OPN1SW: variants seen among roughly 807,000 people sequenced by gnomAD.
OPN1SW encodes the protein short-wave-sensitive opsin 1.
In OPN1SW, 25 loss-of-function variants were observed where a neutral mutation model predicts 31.9. That is an observed-to-expected ratio of 0.78 (90% confidence interval 0.57 to 1.09). OPN1SW has a LOEUF of 1.09. OPN1SW is among the 50% of genes least tolerant of loss of function. The pLI, the probability that OPN1SW is intolerant of heterozygous loss-of-function variation, is 0.00. For missense variants in OPN1SW, 424 were observed against 448.0 expected (o/e 0.95, Z 0.48); for synonymous variants, 190 against 171.9 (o/e 1.11, Z -0.82).
intron 4 of OPN1SW, 73 bp downstream of exon 4, chr7:128,773,576 C>T: frequency 6.2e-7 from 1 of 1,603,492 alleles, no homozygotes; most frequent in South Asian, 1.1e-5. Context: ...CCAGGGTGCT[C>T]TGAGTTAAAA....
chr7:128,772,870 T>C (rs1240540694), intron 4 of OPN1SW, among the ~76,000 whole-genome samples: 1 of 152,174 alleles, frequency 6.6e-6, no homozygotes, highest in African/African-American at 2.4e-5. Flanking sequence ...ACTGGTCAAG[T>C]CTGAGACCTC....
At position 128,775,704 on chromosome 7, in the gene OPN1SW, G is replaced by C. The variant is rs546953399; in HGVS notation, c.78C>G (p.Ala26=). 2 of 1,614,100 alleles carry C rather than the reference G, an allele frequency of 1.2e-6. No homozygotes were observed. The highest frequency in any genetic ancestry group is 3.3e-5 in the Admixed American group (2 of 60,026). ...GPWDGPQYHI[A]PVWAFYLQAA... ...CCTGGAGGTAGAAGGCCCAGACAGGGGCAATGTGGTACTGAGGCCCATCCC... is the reference window on the plus strand; with the variant it reads ...CCTGGAGGTAGAAGGCCCAGACAGGCGCAATGTGGTACTGAGGCCCATCCC... The change falls in exon 1 of 5, where the codon GCC becomes GCG. Residue 26 remains alanine (A), a synonymous_variant. Transcript: ENST00000249389.
intron 3 of OPN1SW, 150 bp downstream of exon 3, chr7:128,774,348 T>C (rs1801706869): frequency 2.8e-6 from 3 of 1,062,322 alleles, no homozygotes; most frequent in African/African-American, 1.6e-5. Flanking sequence ...CCTTTGGATC[T>C]CCATCATTCT....
intron 2 of OPN1SW, 62 bp from the exon 3 acceptor site, chr7:128,774,725 G>T: frequency 6.9e-6 from 11 of 1,603,994 alleles, no homozygotes; most frequent in Non-Finnish European, 9.4e-6. Flanking sequence ...GAGCTGAGAT[G>T]CCTGGATTGT....
chr7:128,773,113 GA>G (rs2128885524), intron 4 of OPN1SW, among the ~76,000 whole-genome samples: 1 of 152,310 alleles, frequency 6.6e-6, no homozygotes, highest in South Asian at 2.1e-4. Flanking sequence ...GATGGGATAG[GA>G]AATCCCCCAG....
intron 2 of OPN1SW, 94 bp from the exon 3 acceptor site, chr7:128,774,757 G>A: frequency 6.4e-7 from 1 of 1,550,638 alleles, no homozygotes; most frequent in South Asian, 1.1e-5. Flanking sequence ...AGAACCCACG[G>A]AATGCCCTAA....
At position 128,773,723 on chromosome 7, in the gene OPN1SW, C is replaced by T. The variant is rs79158266; in HGVS notation, c.844G>A (p.Val282Ile). ...TTGGAGAAGAATGAAGGAATGGTGA[C>T]AAGCCGTAAGTCCAGCCCATGGTTA... ...NRNHGLDLRL[V>I]TIPSFFSKSA... Residue 282 changes from valine (V) to isoleucine (I), a missense_variant, in exon 4 of 5, where the codon GTC (valine) becomes ATC (isoleucine). Coordinates refer to ENST00000249389, the MANE Select transcript of OPN1SW (RefSeq NM_001385125.1). The T allele has an allele frequency of 3.7e-6, 6 of 1,603,818 alleles. No homozygotes were observed. The highest frequency in any genetic ancestry group is 5.1e-6 in the Non-Finnish European group (6 of 1,176,584).
At chr7:128,773,987 G>A in intron 3 of OPN1SW, 99 bp from the exon 4 acceptor site, 1 of 1,392,458 alleles carries the variant, frequency 7.2e-7, no homozygotes, top group Non-Finnish European at 9.4e-7. Flanking sequence ...TTTTCTTTTT[G>A]AGACCGAGTC....
chr7:128,772,677 A>AT lies in OPN1SW; in HGVS notation c.919-19dup, dbSNP rs1562887086. 1.2e-6 allele frequency: 2 copies of AT among 1,614,022 alleles called. No individual in the cohort carries two copies. The highest frequency in any genetic ancestry group is 2.2e-5 in the South Asian group (2 of 91,082). ...GCTTGGAACTGGAGAGAAAGGTACA[A>AT]TTGGAGATAACCTTGGCAGATGAGG... On this transcript the variant is annotated intron_variant, in intron 4 of 4. Transcript: ENST00000249389.
At chr7:128,775,196 C>T (rs1291332459) in intron 1 of OPN1SW, 42 bp from the exon 2 acceptor site, 2 of 1,597,640 alleles carry the variant, frequency 1.3e-6, no homozygotes, top group South Asian at 2.2e-5. Context: ...CAGAGCCCCA[C>T]CCAGCCTGGC....
At chr7:128,774,739 C>G (rs1004885246) in intron 2 of OPN1SW, 76 bp from the exon 3 acceptor site, 2 of 1,593,516 alleles carry the variant, frequency 1.3e-6, no homozygotes, top group African/African-American at 1.3e-5. Flanking sequence ...GGATTGTGTT[C>G]TCCACTTAGA....
At chr7:128,773,350 T>C (rs1264842990) in intron 4 of OPN1SW, among the ~76,000 whole-genome samples, 1 of 152,230 alleles carries the variant, frequency 6.6e-6, no homozygotes, top group Admixed American at 6.5e-5. Flanking sequence ...TAGGTAAACG[T>C]GTGCCATGGT....
In OPN1SW at chr7:128,773,666, A is replaced by G. The variant is rs1338042268; in HGVS notation, c.901T>C (p.Cys301Arg). ...SACIYNPIIY[C>R]FMNKQFQACI... ...AGCTTTACCTGCTTATTCATGAAGCAGTAGATGATGGGATTGTAGATGCAA... is the reference window on the plus strand; with the variant it reads ...AGCTTTACCTGCTTATTCATGAAGCGGTAGATGATGGGATTGTAGATGCAA... Residue 301 changes from cysteine to arginine, a missense_variant, in exon 4 of 5, where the codon TGC (cysteine) becomes CGC (arginine). Coordinates refer to ENST00000249389, the MANE Select transcript of OPN1SW (RefSeq NM_001385125.1). 1.2e-6 allele frequency: 2 copies of G among 1,614,120 alleles called. No homozygotes were observed. Among genetic ancestry groups the G allele is most frequent in the Non-Finnish European group, 1.7e-6 (2 of 1,180,040 alleles).
intron 4 of OPN1SW, 94 bp from the exon 5 acceptor site, chr7:128,772,753 T>G: frequency 2.6e-6 from 4 of 1,523,418 alleles, no homozygotes; most frequent in Non-Finnish European, 3.6e-6. Context: ...CCTTGCACAA[T>G]GCTTTGTACC....
Position 128,773,860 on chromosome 7 carries a change from G to A in OPN1SW, c.707C>T (p.Thr236Met), listed in dbSNP as rs777541057. 65 of 1,612,178 alleles carry A rather than the reference G, an allele frequency of 4.0e-5. No homozygotes were observed. The highest frequency in any genetic ancestry group is 4.9e-5 in the Non-Finnish European group (58 of 1,179,978). The change falls in exon 4 of 5, where the codon ACG becomes ATG. Residue 236 changes from threonine (T) to methionine (M), a missense_variant. Thr to Met is a moderately conservative substitution (Grantham distance 81). Transcript: ENST00000249389. ...CACCTCCCGTTCAGCCTTCTGGGTCGTAGCTGACTCCTGCTGCTGAGCTGC... is the reference window on the plus strand; with the variant it reads ...CACCTCCCGTTCAGCCTTCTGGGTCATAGCTGACTCCTGCTGCTGAGCTGC... ...AVAAQQQESA[T>M]TQKAEREVSR... is the part of the protein sequence containing the mutation.
rs374350361 is a variant in OPN1SW, at chr7:128,775,761, A to G, written c.21T>C (p.Tyr7=). MSEEEF[Y]LFKNISSVGP... ...CCACTGAAGAGATATTTTTGAACAG[A>G]TAAAACTCTTCCTCCGACATTTTTC... Residue 7 remains tyrosine, a synonymous_variant, in exon 1 of 5, where the codon TAT becomes TAC. Transcript: ENST00000249389. 9.9e-6 allele frequency: 16 copies of G among 1,614,024 alleles called. No homozygotes were observed. Among genetic ancestry groups the G allele is most frequent in the Middle Eastern group, 1.6e-4 (1 of 6,082 alleles).
chr7:128,775,416 A>G (rs1801739567), intron 1 of OPN1SW, 23 bp downstream of exon 1: 1 of 1,603,560 alleles, frequency 6.2e-7, no homozygotes, highest in Non-Finnish European at 8.5e-7. Flanking sequence ...GCCTTCCCCT[A>G]ACCCCTTTTT....
rs1801717206 is a variant in OPN1SW, at chr7:128,774,604, T to C, written c.572A>G (p.Lys191Arg). The change falls in exon 3 of 5, where the codon AAA (lysine) becomes AGA (arginine). Residue 191 changes from lysine (K) to arginine (R), a missense_variant. Lys to Arg is a conservative substitution (Grantham distance 26). Transcript: ENST00000249389. The part of the protein sequence containing the change: ...CGPDWYTVGT[K>R]YRSESYTWFL... The stretch of plus-strand genomic sequence containing the variant: ...CCACGTATAGGACTCGCTGCGGTAT[T>C]TGGTGCCCACGGTGTACCAGTCAGG... 6.2e-7 allele frequency: 1 copy of C among 1,614,002 alleles called. No homozygotes were observed. Among genetic ancestry groups the C allele is most frequent in the African/African-American group, 1.3e-5 (1 of 74,902 alleles).
chr7:128,774,020 G>T, intron 3 of OPN1SW, 132 bp from the exon 4 acceptor site: 2 of 1,250,952 alleles, frequency 1.6e-6, no homozygotes, highest in Non-Finnish European at 2.1e-6. Context: ...CCAGGCTGGA[G>T]TTGCAGTGGT....
Sources: allele counts gnomAD v4.1 joint callset (sites outside exome capture counted in the v4.1 genomes callset), GRCh38; gene constraint gnomAD v4.1.1; transcripts MANE v1.5; gene names NCBI Gene and HGNC (gene_info 2026-07-23, HGNC 2026-07-21).